Variants in CRB1 observed in about 807,000 individuals in gnomAD.
CRB1 encodes the protein crumbs cell polarity complex component 1.
In CRB1, 83 loss-of-function variants were observed where a neutral mutation model predicts 120.0. The observed-to-expected ratio is 0.69, with a 90% CI of 0.58 to 0.83. CRB1 has a LOEUF of 0.83. CRB1 is among the 40% of genes least tolerant of loss of function. CRB1 has a pLI of 0.00. For missense variants in CRB1, 1,699 were observed against 1,687.6 expected, an observed-to-expected ratio of 1.01 and a Z score of -0.12; for synonymous variants, 625 against 612.5, an observed-to-expected ratio of 1.02 and a Z score of -0.30.
At chr1:197,223,264 T>G in the CRB1 span, 1 of 936,430 alleles carries the variant, frequency 1.1e-6, no homozygotes. Flanking sequence ...GAATATTCCT[T>G]GTGCCAGAAT....
intron 4 of CRB1, among the ~76,000 whole-genome samples, chr1:197,354,365 G>A (rs1422649878): frequency 1.3e-5 from 2 of 152,182 alleles, no homozygotes; most frequent in Non-Finnish European, 2.9e-5. Context: ...TGGGTTGTTG[G>A]TCTGATTGAC....
At chr1:197,387,413 T>C (rs892709083) in intron 5 of CRB1, among the ~76,000 whole-genome samples, 1 of 152,074 alleles carries the variant, frequency 6.6e-6, no homozygotes, top group Non-Finnish European at 1.5e-5. Context: ...CCTCTGCCAT[T>C]TGTCTTTGGT....
At chr1:197,349,327 C>T (rs1176174224) in intron 4 of CRB1, among the ~76,000 whole-genome samples, 7 of 152,196 alleles carry the variant, frequency 4.6e-5, no homozygotes, top group African/African-American at 1.7e-4. Context: ...TGTGTAATGA[C>T]TTACTTCTCA....
Position 197,477,945 on chromosome 1 carries a change from C to A in CRB1, c.*66C>A. On this transcript the variant is annotated 3_prime_UTR_variant, in exon 12 of 12. Coordinates refer to ENST00000367400, the MANE Select transcript of CRB1 (RefSeq NM_201253.3). ...AATGTGATGACTGTACTTCAGGTAT[C>A]TCTGACATACCTGACAATGTTAATC... 1 of 1,420,702 alleles carries A rather than the reference C, an allele frequency of 7.0e-7. No individual in the cohort carries two copies. Among genetic ancestry groups the A allele is most frequent in the Non-Finnish European group, 1.0e-6 (1 of 1,004,396 alleles). The allele number at this position is 1,420,702 out of a possible 1,614,324, so 88.0% of individuals were successfully genotyped here.
intron 10 of CRB1, 151 bp downstream of exon 10, chr1:197,438,826 A>G (rs1558141832): frequency 2.2e-6 from 2 of 921,378 alleles, no homozygotes; most frequent in Non-Finnish European, 3.2e-6. Flanking sequence ...AACAATAAAA[A>G]AGAAGAAAAA....
intron 8 of CRB1, among the ~76,000 whole-genome samples, chr1:197,429,941 G>C (rs1385293533): frequency 1.3e-5 from 2 of 152,136 alleles, no homozygotes; most frequent in Admixed American, 6.5e-5. Flanking sequence ...TGCATGTTAC[G>C]CATTGCCATT....
rs371016260 is a variant in CRB1 at position 197,315,466 on chromosome 1, C to A, written c.71-12956C>A. Among the ~76,000 whole-genome samples, 62 of 152,300 alleles carry A rather than the reference C, an allele frequency of 4.1e-4. 1 individual carries two copies. The South Asian group carries it at 0.013, about 31-fold the overall frequency. On this transcript the variant is annotated intron_variant, in intron 1 of 11. Transcript: ENST00000367400. The stretch of plus-strand genomic sequence containing the variant: ...TCTTTCTCTCAGCTCCAAAGCTGTG[C>A]CTGCATAAAACTAAAATAAACAGAT...
chr1:197,369,429 C>A (rs2125379285), intron 5 of CRB1, among the ~76,000 whole-genome samples: 1 of 152,088 alleles, frequency 6.6e-6, no homozygotes, highest in Middle Eastern at 3.4e-3. Context: ...GTTGCGAGGG[C>A]AAGAAAAAGT....
chr1:197,284,950 G>A lies in CRB1; in HGVS notation c.70+16468G>A, dbSNP rs148573533. On this transcript the variant is annotated intron_variant, in intron 1 of 11. Transcript: ENST00000367400. Reference sequence around the variant, plus strand: ...GTCAAATAAAATTAAATCCTATGATGTCCTTGAAATCATGTTGTGTTACAG... The same window carrying A: ...GTCAAATAAAATTAAATCCTATGATATCCTTGAAATCATGTTGTGTTACAG... 1.3e-3 allele frequency among the ~76,000 whole-genome samples: 198 copies of A among 151,980 alleles called. 3 individuals are homozygous for A. The South Asian group carries it at 0.019, about 15-fold the overall frequency.
At chr1:197,336,194 G>A (rs997447421) in intron 2 of CRB1, among the ~76,000 whole-genome samples, 5 of 152,186 alleles carry the variant, frequency 3.3e-5, no homozygotes, top group Admixed American at 6.5e-5. Context: ...TGATGCATAA[G>A]TCTAAGAGGT....
chr1:197,378,778 A>C (rs1661781750), intron 5 of CRB1, among the ~76,000 whole-genome samples: 1 of 152,242 alleles, frequency 6.6e-6, no homozygotes, highest in African/African-American at 2.4e-5. Flanking sequence ...ACTGTAATCA[A>C]GATCTGGTTA....
intron 1 of CRB1, among the ~76,000 whole-genome samples, chr1:197,325,485 T>C (rs1658440980): frequency 6.6e-6 from 1 of 152,188 alleles, no homozygotes; most frequent in African/African-American, 2.4e-5. Flanking sequence ...TCACAATTCC[T>C]CTATTCTACT....
chr1:197,463,072 A>G (rs1264402847), intron 11 of CRB1, among the ~76,000 whole-genome samples: 6 of 152,270 alleles, frequency 3.9e-5, no homozygotes, highest in East Asian at 1.9e-4. Flanking sequence ...AGGGGAGCAC[A>G]TGGCTGTTTT....
At chr1:197,318,049 A>G (rs1235485091) in intron 1 of CRB1, among the ~76,000 whole-genome samples, 2 of 152,180 alleles carry the variant, frequency 1.3e-5, no homozygotes, top group Admixed American at 1.3e-4. Flanking sequence ...AACAATCAAT[A>G]GAGCAAAGAG....
chr1:197,453,018 A>G (rs1368798433), intron 11 of CRB1, among the ~76,000 whole-genome samples: 2 of 152,102 alleles, frequency 1.3e-5, no homozygotes, highest in African/African-American at 2.4e-5. Context: ...TAAAGAAAAT[A>G]AAAATGGAAT....
intron 9 of CRB1, among the ~76,000 whole-genome samples, chr1:197,437,181 G>T (rs544667811): frequency 6.6e-6 from 1 of 152,230 alleles, no homozygotes. Flanking sequence ...TGGGTTGGCA[G>T]CCTGTAGACA....
chr1:197,223,624 TTACAC>T, the CRB1 span, among the ~76,000 whole-genome samples: 1 of 152,214 alleles, frequency 6.6e-6, no homozygotes, highest in South Asian at 2.1e-4. Context: ...TTTAACTTCT[TTACAC>T]AGCATAGGTG....
chr1:197,349,241 T>C (rs751473748), intron 4 of CRB1, among the ~76,000 whole-genome samples: 1 of 152,194 alleles, frequency 6.6e-6, no homozygotes, highest in Non-Finnish European at 1.5e-5. Context: ...CTATACCCTA[T>C]AGCCTAGGTA....
At chr1:197,391,071 A>G (rs1286583328) in intron 5 of CRB1, among the ~76,000 whole-genome samples, 3 of 152,128 alleles carry the variant, frequency 2.0e-5, no homozygotes, top group Non-Finnish European at 4.4e-5. Context: ...AGTACATGCC[A>G]ATTGTAATTA....
Sources: allele counts gnomAD v4.1 joint callset (sites outside exome capture counted in the v4.1 genomes callset), GRCh38; gene constraint gnomAD v4.1.1; transcripts MANE v1.5; gene names NCBI Gene and HGNC (gene_info 2026-07-23, HGNC 2026-07-21).